Variants in GBP7 observed in about 807,000 individuals in gnomAD.
GBP7 encodes guanylate binding protein 7.
In GBP7, 43 loss-of-function variants were observed where a neutral mutation model predicts 61.3. The ratio of observed to expected loss-of-function variants is 0.70; its 90% CI spans 0.55 to 0.91. The LOEUF is 0.91. GBP7 is among the 40% of genes least tolerant of loss of function. The pLI, the probability that GBP7 is intolerant of heterozygous loss-of-function variation, is 0.00. For missense variants in GBP7, 717 were observed against 740.5 expected (o/e 0.97, Z 0.37); for synonymous variants, 267 against 271.0 (o/e 0.99, Z 0.14).
At chr1:89,132,937 G>T (rs1681713017) in intron 10 of GBP7, among the ~76,000 whole-genome samples, 1 of 152,164 alleles carries the variant, frequency 6.6e-6, no homozygotes, top group Non-Finnish European at 1.5e-5. Context: ...CCTTTTGATG[G>T]TTGTGCCAAG....
chr1:89,140,517 A>G (rs528030973), intron 9 of GBP7, among the ~76,000 whole-genome samples: 49 of 152,006 alleles, frequency 3.2e-4, no homozygotes, highest in African/African-American at 1.2e-3. Flanking sequence ...CATACCAGTC[A>G]GAATGGCTGT....
Position 89,171,708 on chromosome 1 carries a change from C to G in GBP7, c.190+38G>C. The G allele has an allele frequency of 2.5e-6, 4 of 1,579,222 alleles. No individual in the cohort carries two copies. In the East Asian group the frequency reaches 9.0e-5, roughly 35 times the overall value. On this transcript the variant is annotated intron_variant, in intron 2 of 10. Coordinates refer to ENST00000294671, the MANE Select transcript of GBP7 (RefSeq NM_207398.3). Reference sequence around the variant, plus strand: ...ACTAGATACTGACTGTGTAACTGGACAGATGGGGCTCATCCATGCTTTGCT... The same window carrying G: ...ACTAGATACTGACTGTGTAACTGGAGAGATGGGGCTCATCCATGCTTTGCT...
Position 89,150,403 on chromosome 1 carries a change from T to C in GBP7, c.798A>G (p.Glu266=). 6.2e-7 allele frequency: 1 copy of C among 1,614,006 alleles called. No homozygotes were observed. The highest frequency in any genetic ancestry group is 8.5e-7 in the Non-Finnish European group (1 of 1,179,864). Residue 266 remains glutamate, a synonymous_variant, in exon 6 of 11, where the codon GAA becomes GAG. Coordinates refer to ENST00000294671, the MANE Select transcript of GBP7 (RefSeq NM_207398.3). ...QLDSNFQMQS[E]NFCSYIFTHA... ...GGGTGAAGATATAAGAACAGAAATTTTCTGATTGCATCTGGAAATTACTAT... is the reference window on the plus strand; with the variant it reads ...GGGTGAAGATATAAGAACAGAAATTCTCTGATTGCATCTGGAAATTACTAT...
At chr1:89,168,935 C>T (rs1007653488) in intron 2 of GBP7, among the ~76,000 whole-genome samples, 1 of 151,738 alleles carries the variant, frequency 6.6e-6, no homozygotes, top group African/African-American at 2.4e-5. Flanking sequence ...CGCCATTGCA[C>T]TCCAGCCTGG....
At chr1:89,146,848 T>A (rs1485643468) in intron 8 of GBP7, among the ~76,000 whole-genome samples, 2 of 152,116 alleles carry the variant, frequency 1.3e-5, no homozygotes, top group Non-Finnish European at 2.9e-5. Context: ...AGGAAATTAG[T>A]ATAGGAAAGT....
At chr1:89,169,184 C>T (rs1172281958) in intron 2 of GBP7, among the ~76,000 whole-genome samples, 1 of 152,194 alleles carries the variant, frequency 6.6e-6, no homozygotes, top group African/African-American at 2.4e-5. Flanking sequence ...GTTTGTATCT[C>T]TGTTTTACCA....
At chr1:89,161,635 T>C (rs377755079) in intron 3 of GBP7, among the ~76,000 whole-genome samples, 26 of 152,110 alleles carry the variant, frequency 1.7e-4, no homozygotes, top group African/African-American at 6.0e-4. Flanking sequence ...TTTGTGTGTG[T>C]GAATTTGTTT....
intron 9 of GBP7, among the ~76,000 whole-genome samples, chr1:89,138,334 A>C (rs1364000398): frequency 2.0e-5 from 3 of 152,212 alleles, no homozygotes; most frequent in African/African-American, 7.2e-5. Flanking sequence ...GAACAACAAC[A>C]ACAAAAAAAC....
At chr1:89,163,852 T>G (rs1018397853) in intron 3 of GBP7, among the ~76,000 whole-genome samples, 8 of 151,912 alleles carry the variant, frequency 5.3e-5, no homozygotes, top group Admixed American at 5.2e-4. Context: ...TCTTTCTTTT[T>G]TTTTTGTTTT....
intron 9 of GBP7, among the ~76,000 whole-genome samples, chr1:89,139,411 A>G (rs1161396909): frequency 1.3e-5 from 2 of 152,274 alleles, no homozygotes; most frequent in African/African-American, 2.4e-5. Flanking sequence ...TAAAACACCA[A>G]AAGCAATGGC....
intron 3 of GBP7, among the ~76,000 whole-genome samples, chr1:89,158,613 G>T (rs935061129): frequency 1.3e-5 from 2 of 152,106 alleles, no homozygotes; most frequent in Non-Finnish European, 2.9e-5. Flanking sequence ...ATTCACAATT[G>T]CTTCAAAGAG....
At chr1:89,149,151 A>G (rs1478283369) in intron 7 of GBP7, 141 bp downstream of exon 7, 2 of 615,776 alleles carry the variant, frequency 3.2e-6, no homozygotes, top group East Asian at 3.0e-5. Flanking sequence ...AAAAAACTGT[A>G]GCCCATTAAA....
chr1:89,167,797 C>T (rs897029749), intron 2 of GBP7, among the ~76,000 whole-genome samples: 3 of 152,208 alleles, frequency 2.0e-5, no homozygotes, highest in Admixed American at 6.5e-5. Context: ...AATAAATACC[C>T]TGGACCAGGT....
At chr1:89,153,377 C>T (rs189913128) in intron 3 of GBP7, among the ~76,000 whole-genome samples, 1 of 152,248 alleles carries the variant, frequency 6.6e-6, no homozygotes, top group Admixed American at 6.5e-5. Flanking sequence ...TATTGATTTT[C>T]TCAGGGCTTC....
intron 9 of GBP7, among the ~76,000 whole-genome samples, chr1:89,136,227 A>C (rs1324823811): frequency 6.6e-6 from 1 of 152,174 alleles, no homozygotes; most frequent in African/African-American, 2.4e-5. Context: ...AGTCTTCAAC[A>C]CTCCACTGAC....
At position 89,154,704 on chromosome 1, in the gene GBP7, TAAATAAAATA is replaced by T. The variant is rs955042063; in HGVS notation, c.319-1937_319-1928del. Among the ~76,000 whole-genome samples, 29 of 149,824 alleles carry T rather than the reference TAAATAAAATA, an allele frequency of 1.9e-4. No individual in the cohort carries two copies. The East Asian group carries it at 3.5e-3, about 18-fold the overall frequency. On this transcript the variant is annotated intron_variant, in intron 3 of 10. Transcript: ENST00000294671. ...TTTAAGTTCAGGCTTACCCCCAAAC[TAAATAAAATA>T]AAATAAAATAAAATAAAGAAGTTAA...
intron 5 of GBP7, 134 bp from the exon 6 acceptor site, chr1:89,150,709 C>G: frequency 2.3e-6 from 2 of 872,258 alleles, no homozygotes; most frequent in Non-Finnish European, 1.8e-6. Context: ...AATCAAACCT[C>G]TCATGCAACC....
At chr1:89,141,777 T>C in intron 8 of GBP7, 129 bp from the exon 9 acceptor site, 1 of 707,176 alleles carries the variant, frequency 1.4e-6, no homozygotes. Context: ...GATTCCACAG[T>C]GGTTTCTTTC....
intron 8 of GBP7, among the ~76,000 whole-genome samples, chr1:89,143,202 T>A (rs1681992600): frequency 6.6e-6 from 1 of 152,250 alleles, no homozygotes; most frequent in African/African-American, 2.4e-5. Context: ...AATTTTGATT[T>A]CTTAAACAGT....
Sources: allele counts gnomAD v4.1 joint callset (sites outside exome capture counted in the v4.1 genomes callset), GRCh38; gene constraint gnomAD v4.1.1; transcripts MANE v1.5; gene names NCBI Gene and HGNC (gene_info 2026-07-23, HGNC 2026-07-21).